SMCHD1: variants seen among roughly 807,000 people sequenced by gnomAD.
SMCHD1 encodes structural maintenance of chromosomes flexible hinge domain containing 1.
A neutral mutation model predicts 254.7 loss-of-function variants in SMCHD1; 78 were observed. The ratio of observed to expected loss-of-function variants is 0.31; its 90% confidence interval spans 0.26 to 0.37. SMCHD1 has a LOEUF of 0.37. Among genes scored for constraint, SMCHD1 ranks in the 10% least tolerant of loss-of-function variants. The probability of loss-of-function intolerance (pLI) is 1.00; values close to 1 mark genes in which losing one functional copy is unlikely to be tolerated. For synonymous variants in SMCHD1, 766 were observed against 794.9 expected, an observed-to-expected ratio of 0.96 and a Z score of 0.61; for missense variants, 1,840 against 2,408.1, an observed-to-expected ratio of 0.76 and a Z score of 4.94.
intron 1 of SMCHD1, among the ~76,000 whole-genome samples, chr18:2,662,518 G>A (rs895655884): frequency 1.3e-5 from 2 of 151,808 alleles, no homozygotes; most frequent in African/African-American, 4.8e-5. Flanking sequence ...GGTGGCACAC[G>A]CCTGTAGTCC....
At chr18:2,735,961 A>G (rs2075240978) in intron 25 of SMCHD1, among the ~76,000 whole-genome samples, 1 of 152,226 alleles carries the variant, frequency 6.6e-6, no homozygotes. Flanking sequence ...ATTAATCCTA[A>G]GCAAAAATAA....
At position 2,707,905 on chromosome 18, in the gene SMCHD1, A is replaced by G; in HGVS notation, c.2245A>G (p.Lys749Glu). 6.3e-7 allele frequency: 1 copy of G among 1,595,164 alleles called. No individual in the cohort carries two copies. Among genetic ancestry groups the G allele is most frequent in the Non-Finnish European group, 8.5e-7 (1 of 1,170,706 alleles). The part of the protein sequence containing the change: ...GGSKKLLVEL[K>E]VILHSSSGNK... ...GTCAAAGAAACTCCTGGTTGAGCTC[A>G]AAGTTATTTTACATTGTAAGTATAC... The change falls in exon 17 of 48, where the codon AAA becomes GAA. Residue 749 changes from lysine to glutamate, a missense_variant. Lys to Glu is a moderately conservative substitution (Grantham distance 56, BLOSUM62 1). Coordinates refer to ENST00000320876, the MANE Select transcript of SMCHD1 (RefSeq NM_015295.3).
At chr18:2,756,164 A>G (rs1206544853) in intron 34 of SMCHD1, among the ~76,000 whole-genome samples, 1 of 152,234 alleles carries the variant, frequency 6.6e-6, no homozygotes, top group Non-Finnish European at 1.5e-5. Context: ...TGTGGTAATT[A>G]TAGTACATTA....
intron 42 of SMCHD1, 32 bp from the exon 43 acceptor site, chr18:2,777,774 T>G: frequency 8.2e-7 from 1 of 1,223,074 alleles, no homozygotes; most frequent in Non-Finnish European, 1.1e-6. Flanking sequence ...GTCATGTGCT[T>G]TAATATCTTT....
intron 44 of SMCHD1, among the ~76,000 whole-genome samples, chr18:2,782,762 A>ACAAAAC (rs1568380169): frequency 6.6e-6 from 1 of 150,396 alleles, no homozygotes; most frequent in African/African-American, 2.5e-5. Flanking sequence ...AAAAAAAAAA[A>ACAAAAC]AAAAAAAAAA....
chr18:2,736,899 A>G (rs182757632), intron 25 of SMCHD1, among the ~76,000 whole-genome samples: 89 of 152,316 alleles, frequency 5.8e-4, no homozygotes, highest in Non-Finnish European at 1.0e-3. Context: ...TACTGTATAT[A>G]TACCCAAAGG....
chr18:2,780,306 A>T (rs2076136594), intron 44 of SMCHD1, among the ~76,000 whole-genome samples: 1 of 150,372 alleles, frequency 6.7e-6, no homozygotes, highest in Admixed American at 6.6e-5. Context: ...AAACTAAATT[A>T]CTGGGATTTT....
intron 17 of SMCHD1, among the ~76,000 whole-genome samples, chr18:2,710,252 G>A (rs1230361269): frequency 6.6e-6 from 1 of 152,172 alleles, no homozygotes; most frequent in African/African-American, 2.4e-5. Flanking sequence ...AGGTCTATAT[G>A]TCTGTTCATA....
intron 41 of SMCHD1, among the ~76,000 whole-genome samples, chr18:2,773,871 C>G (rs543539839): frequency 6.6e-6 from 1 of 151,924 alleles, no homozygotes; most frequent in African/African-American, 2.4e-5. Flanking sequence ...TGCAGTGAGC[C>G]GAGATCATGC....
At chr18:2,686,963 C>G (rs1434285317) in intron 5 of SMCHD1, among the ~76,000 whole-genome samples, 3 of 151,916 alleles carry the variant, frequency 2.0e-5, no homozygotes, top group African/African-American at 7.3e-5. Context: ...GTTTTGTTTT[C>G]TTGCTCCATC....
intron 2 of SMCHD1, 116 bp from the exon 3 acceptor site, chr18:2,666,754 T>G: frequency 1.2e-6 from 1 of 816,324 alleles, no homozygotes; most frequent in Non-Finnish European, 1.8e-6. Context: ...TGATTGGGGG[T>G]TTTTCTTTAC....
Position 2,739,473 on chromosome 18 carries a change from AAGG to A in SMCHD1, c.3472_3474del (p.Gly1158del). ...CCTAAACATTTAAAATGTGAAATGA[AAGG>A]AGGAAAAACAGTACAGATGGGCCAA... On this transcript the variant is annotated inframe_deletion, in exon 27 of 48. Transcript: ENST00000320876. 1 of 1,613,360 alleles carries A rather than the reference AAGG, an allele frequency of 6.2e-7. No homozygotes were observed. The highest frequency in any genetic ancestry group is 8.5e-7 in the Non-Finnish European group (1 of 1,179,534).
intron 29 of SMCHD1, among the ~76,000 whole-genome samples, chr18:2,745,693 G>A (rs2075441345): frequency 6.6e-6 from 1 of 152,100 alleles, no homozygotes; most frequent in Non-Finnish European, 1.5e-5. Context: ...GTCTGGACAT[G>A]TTTGTCTTAT....
intron 17 of SMCHD1, among the ~76,000 whole-genome samples, chr18:2,709,232 G>GTGTGTATATATATA (rs3037640): frequency 1.3e-5 from 1 of 79,654 alleles, no homozygotes; most frequent in South Asian, 3.8e-4. Flanking sequence ...GTGTATATGT[G>GTGTGTATATATATA]TATATATATA....
chr18:2,783,607 C>G (rs1264647196), intron 44 of SMCHD1, among the ~76,000 whole-genome samples: 3 of 151,620 alleles, frequency 2.0e-5, no homozygotes, highest in African/African-American at 7.3e-5. Flanking sequence ...ACAGAGTCTC[C>G]TGTTGCCCAG....
At chr18:2,791,715 G>C (rs1382936914) in intron 45 of SMCHD1, among the ~76,000 whole-genome samples, 2 of 152,172 alleles carry the variant, frequency 1.3e-5, no homozygotes, top group Non-Finnish European at 2.9e-5. Context: ...AAACAGAAAA[G>C]GGGAACCCAG....
At chr18:2,749,214 A>G (rs993209347) in intron 30 of SMCHD1, among the ~76,000 whole-genome samples, 8 of 152,224 alleles carry the variant, frequency 5.3e-5, no homozygotes, top group Admixed American at 2.6e-4. Context: ...ATTTCATCCT[A>G]TCATTTCAAG....
intron 28 of SMCHD1, among the ~76,000 whole-genome samples, chr18:2,741,544 G>A (rs1330829124): frequency 6.6e-6 from 1 of 152,134 alleles, no homozygotes; most frequent in Non-Finnish European, 1.5e-5. Flanking sequence ...TCTAACTAGA[G>A]TTTCTGTCTC....
In SMCHD1 at chr18:2,795,841, C is replaced by A. The variant is rs1375139863; in HGVS notation, c.5720-108C>A. On this transcript the variant is annotated intron_variant, in intron 45 of 47. Transcript: ENST00000320876. ...ATGTTTTATGGCTTTAAAAGTAGAT[C>A]CCCTATGTTACCATAACACAAATTC... 13 of 794,250 alleles carry A rather than the reference C, an allele frequency of 1.6e-5. No individual in the cohort carries two copies. In the East Asian group the frequency reaches 3.4e-4, roughly 21 times the overall value. The allele number at this position is 794,250 out of a possible 1,614,324, so 49.2% of individuals were successfully genotyped here.
Sources: allele counts gnomAD v4.1 joint callset (sites outside exome capture counted in the v4.1 genomes callset), GRCh38; gene constraint gnomAD v4.1.1; transcripts MANE v1.5; gene names NCBI Gene and HGNC (gene_info 2026-07-23, HGNC 2026-07-21).